The following APOLD1 variants were observed in gnomAD, a reference collection of about 807,000 sequenced individuals.
APOLD1 encodes the protein apolipoprotein L domain-containing protein 1.
Under a neutral mutation model 15.3 loss-of-function variants are expected in APOLD1, and 22 were observed. The observed-to-expected ratio is 1.44, with a 90% confidence interval of 1.03 to 2.05. The LOEUF is 2.05. APOLD1 is among the 30% of genes most tolerant of loss of function. The pLI, the probability that APOLD1 is intolerant of heterozygous loss-of-function variation, is 0.00. For synonymous variants in APOLD1, 190 were observed against 167.4 expected (o/e 1.13, Z -1.04); for missense variants, 394 against 353.5 (o/e 1.11, Z -0.92).
intron 1 of APOLD1, among the ~76,000 whole-genome samples, chr12:12,766,341 T>C (rs1000889709): frequency 6.6e-6 from 1 of 152,132 alleles, no homozygotes; most frequent in Non-Finnish European, 1.5e-5. Flanking sequence ...AGTACCAAGA[T>C]ACTGGAATAT....
At chr12:12,746,510 A>AATAAATAAATAAATAAATAAATAC (rs57489224) in intron 1 of APOLD1, among the ~76,000 whole-genome samples, 10 of 149,836 alleles carry the variant, frequency 6.7e-5, no homozygotes, top group African/African-American at 2.5e-4. Flanking sequence ...TAAATAAATA[A>AATAAATAAATAAATAAATAAATAC]ATAAATACAT....
intron 1 of APOLD1, among the ~76,000 whole-genome samples, chr12:12,765,786 C>T (rs1395634041): frequency 6.6e-6 from 1 of 152,202 alleles, no homozygotes; most frequent in Non-Finnish European, 1.5e-5. Flanking sequence ...ATTAGGATCT[C>T]TTGAGCCTGG....
intron 1 of APOLD1, among the ~76,000 whole-genome samples, chr12:12,762,386 C>T (rs1159983577): frequency 2.0e-5 from 3 of 151,836 alleles, no homozygotes; most frequent in Non-Finnish European, 4.4e-5. Context: ...TGGAGTCTTG[C>T]TCTGCCACTC....
intron 1 of APOLD1, among the ~76,000 whole-genome samples, chr12:12,730,952 T>G (rs1201849327): frequency 6.6e-6 from 1 of 151,608 alleles, no homozygotes; most frequent in Non-Finnish European, 1.5e-5. Flanking sequence ...CCATCTTGGC[T>G]AACACGGTGA....
rs781291103 is a variant in APOLD1, at chr12:12,787,667, C to T, written c.*15C>T. On this transcript the variant is annotated 3_prime_UTR_variant, in exon 2 of 2. Coordinates refer to ENST00000356591, the MANE Select transcript of APOLD1 (RefSeq NM_030817.3). The surrounding 1 kb of genome is among the most constrained non-coding windows in gnomAD (Gnocchi z 4.9). The stretch of plus-strand genomic sequence containing the variant: ...TGTTTTTCTGAGAACATCCTTTCCC[C>T]CTAATGACCGAGGCCAGCAAATCAT... 6 of 1,564,898 alleles carry T rather than the reference C, an allele frequency of 3.8e-6. No individual in the cohort carries two copies. Among genetic ancestry groups the T allele is most frequent in the South Asian group, 1.2e-5 (1 of 86,284 alleles).
At chr12:12,786,818 G>C (rs1234639255) in intron 1 of APOLD1, 91 bp from the exon 2 acceptor site, 1 of 1,316,796 alleles carries the variant, frequency 7.6e-7, no homozygotes, top group Non-Finnish European at 9.6e-7. Flanking sequence ...CGCTGAACTC[G>C]TGCCAAGTTC....
upstream of APOLD1, among the ~76,000 whole-genome samples, chr12:12,783,219 T>C (rs2136399796): frequency 6.6e-6 from 1 of 152,228 alleles, no homozygotes. Flanking sequence ...AATAAATAAA[T>C]AAATAAAAGT....
At chr12:12,785,552 C>A, upstream of APOLD1, 1 of 1,467,730 alleles carries the variant, frequency 6.8e-7, no homozygotes. Flanking sequence ...ATGAAGGCAG[C>A]AGGGGTCATG....
At chr12:12,746,680 G>A (rs772804941) in intron 1 of APOLD1, among the ~76,000 whole-genome samples, 4 of 152,074 alleles carry the variant, frequency 2.6e-5, no homozygotes, top group African/African-American at 9.7e-5. Context: ...ACATGCACAG[G>A]TTGTACATGG....
intron 1 of APOLD1, chr12:12,726,126 G>A (rs1440164529): frequency 8.2e-7 from 1 of 1,224,312 alleles, no homozygotes; most frequent in Non-Finnish European, 1.1e-6. Context: ...GAGGGTGGAG[G>A]TGGCCCGGAA....
chr12:12,763,379 G>A (rs1946917187), intron 1 of APOLD1, among the ~76,000 whole-genome samples: 1 of 152,204 alleles, frequency 6.6e-6, no homozygotes, highest in Middle Eastern at 3.4e-3. Flanking sequence ...TTTGGGGAAT[G>A]TTCAAGTACC....
Position 12,726,556 on chromosome 12 carries a change from A to G in APOLD1, c.96+460A>G, listed in dbSNP as rs12099603. On this transcript the variant is annotated intron_variant, in intron 1 of 1. Coordinates refer to the APOLD1 transcript ENST00000326765. ...CCTATGTCCGTATTAGTGAAATTCT[A>G]TCTCCATATTAGCGAAATTTGCATA... Among the ~76,000 whole-genome samples the G allele has an allele frequency of 4.6e-3, 707 of 152,242 alleles. 5 individuals carry two copies. Among genetic ancestry groups the G allele is most frequent in the African/African-American group, 0.016 (674 of 41,526 alleles).
At chr12:12,735,149 C>T (rs989871750) in intron 1 of APOLD1, among the ~76,000 whole-genome samples, 2 of 152,064 alleles carry the variant, frequency 1.3e-5, no homozygotes, top group Admixed American at 6.6e-5. Flanking sequence ...CCCAGCTACT[C>T]GGGAGTTTGA....
intron 1 of APOLD1, among the ~76,000 whole-genome samples, chr12:12,727,066 A>G (rs889633199): frequency 2.6e-5 from 4 of 152,222 alleles, no homozygotes; most frequent in East Asian, 1.9e-4. Context: ...TTCAAAGTCT[A>G]TTCCAGACCC....
intron 1 of APOLD1, among the ~76,000 whole-genome samples, chr12:12,744,123 C>T (rs1377430738): frequency 6.6e-6 from 1 of 151,970 alleles, no homozygotes; most frequent in Non-Finnish European, 1.5e-5. Flanking sequence ...TGAGACCAGC[C>T]TGGGGAACAT....
chr12:12,782,273 AC>A, upstream of APOLD1, among the ~76,000 whole-genome samples: 1 of 151,770 alleles, frequency 6.6e-6, no homozygotes, highest in Non-Finnish European at 1.5e-5. Context: ...AAACAAACAA[AC>A]AAACAAACAA....
intron 1 of APOLD1, among the ~76,000 whole-genome samples, chr12:12,758,172 G>C (rs991827506): frequency 1.4e-5 from 2 of 148,106 alleles, no homozygotes; most frequent in Non-Finnish European, 3.0e-5. Flanking sequence ...TCCTGACCTC[G>C]TGATCTGCCC....
chr12:12,741,381 C>T (rs1317031437), intron 1 of APOLD1, among the ~76,000 whole-genome samples: 3 of 152,060 alleles, frequency 2.0e-5, no homozygotes, highest in Non-Finnish European at 4.4e-5. Context: ...TAATTTAGAA[C>T]ATTTTTCTTT....
rs182374083 is a variant in APOLD1 at position 12,777,725 on chromosome 12, G to T, written c.97-9184G>T. ...ACGCTCAAAGGAAATGCTCACTGCAGCATTTCAGATTTCAGATTTTTGCAT... is the reference window on the plus strand; with the variant it reads ...ACGCTCAAAGGAAATGCTCACTGCATCATTTCAGATTTCAGATTTTTGCAT... On this transcript the variant is annotated intron_variant, in intron 1 of 1. Transcript: ENST00000326765. Among the ~76,000 whole-genome samples, 369 of 149,416 alleles carry T rather than the reference G, an allele frequency of 2.5e-3. 11 individuals carry two copies. The highest frequency in any genetic ancestry group is 0.021 in the Admixed American group (316 of 14,900).
Sources: gnomAD v4.1 joint callset for allele counts (sites outside exome capture counted in the v4.1 genomes callset) on GRCh38, gnomAD v4.1.1 for gene constraint, Gnocchi (gnomAD v3.1) non-coding constraint, MANE v1.5 for transcripts, NCBI Gene and HGNC (gene_info 2026-07-23, HGNC 2026-07-21) for gene names.